The following PNKD variants were observed in gnomAD, a reference collection of about 807,000 sequenced individuals.
PNKD encodes PNKD metallo-beta-lactamase domain containing.
Under a neutral mutation model 45.3 loss-of-function variants are expected in PNKD, and 36 were observed. The observed-to-expected ratio is 0.80, with a 90% CI of 0.61 to 1.05. The LOEUF (loss-of-function observed/expected upper bound fraction) is 1.05, where lower values mean the gene tolerates loss of function less well. PNKD is among the 50% of genes least tolerant of loss of function. The pLI is 0.00. For synonymous variants in PNKD, 197 were observed against 210.1 expected, an observed-to-expected ratio of 0.94 and a Z score of 0.54; for missense variants, 511 against 506.6, an observed-to-expected ratio of 1.01 and a Z score of -0.08.
At position 218,326,101 on chromosome 2, in the gene PNKD, G is replaced by T. The variant is rs989264976; in HGVS notation, c.237-13682G>T. Among the ~76,000 whole-genome samples the T allele has an allele frequency of 3.3e-5, 5 of 152,004 alleles. No homozygotes were observed. The highest frequency in any genetic ancestry group is 3.3e-4 in the Admixed American group (5 of 15,252). The stretch of plus-strand genomic sequence containing the variant: ...GGAATGGGACAGGACATGATGGGGA[G>T]GGGGAGGGCACATGCACTACCAACC... On this transcript the variant is annotated intron_variant, in intron 2 of 9. Coordinates refer to ENST00000273077, the MANE Select transcript of PNKD (RefSeq NM_015488.5). This position sits in a 1 kb window ranked among gnomAD's most constrained non-coding sequence, Gnocchi z 4.1.
intron 2 of PNKD, chr2:218,282,083 G>A: frequency 3.8e-6 from 6 of 1,588,606 alleles, no homozygotes; most frequent in Non-Finnish European, 5.1e-6. Context: ...AGGGGGCGGA[G>A]GGCCTGGGTA....
chr2:218,282,195 G>T, intron 2 of PNKD: 1 of 1,374,386 alleles, frequency 7.3e-7, no homozygotes, highest in Non-Finnish European at 9.6e-7. Context: ...AAATGGGAGA[G>T]GAGAAAAGCA....
intron 2 of PNKD, among the ~76,000 whole-genome samples, chr2:218,288,699 A>C (rs1193167039): frequency 6.6e-6 from 1 of 152,194 alleles, no homozygotes; most frequent in Non-Finnish European, 1.5e-5. Context: ...AAAATCCAAA[A>C]TCCATGTGCT....
chr2:218,300,164 T>A (rs549037833), intron 2 of PNKD, among the ~76,000 whole-genome samples: 1 of 152,328 alleles, frequency 6.6e-6, no homozygotes, highest in Admixed American at 6.5e-5. Flanking sequence ...CTTATGGTTC[T>A]CAGCAGCAAA....
intron 2 of PNKD, among the ~76,000 whole-genome samples, chr2:218,306,004 T>C (rs796186719): frequency 6.6e-6 from 1 of 152,098 alleles, no homozygotes; most frequent in Admixed American, 6.6e-5. Context: ...CCTGGAAGGG[T>C]ATCACATCCC....
At chr2:218,344,425 T>C in intron 8 of PNKD, 30 bp from the exon 9 acceptor site, 1 of 1,463,628 alleles carries the variant, frequency 6.8e-7, no homozygotes. Flanking sequence ...CTCTCTCTGC[T>C]CTGTGTCTCA....
chr2:218,288,206 A>G (rs1692671584), intron 2 of PNKD, among the ~76,000 whole-genome samples: 1 of 152,096 alleles, frequency 6.6e-6, no homozygotes, highest in South Asian at 2.1e-4. Flanking sequence ...AGGCGGGCGG[A>G]TCACGAGGTC....
At chr2:218,310,249 A>C (rs1209792041) in intron 2 of PNKD, among the ~76,000 whole-genome samples, 1 of 151,982 alleles carries the variant, frequency 6.6e-6, no homozygotes, top group East Asian at 1.9e-4. Context: ...TTGAGACGGA[A>C]TCTCACTCTG....
At chr2:218,339,735 G>T in intron 2 of PNKD, 48 bp from the exon 3 acceptor site, 1 of 1,147,576 alleles carries the variant, frequency 8.7e-7, no homozygotes, top group African/African-American at 1.5e-5. Context: ...GGAGTCTAGG[G>T]GAGCTAGGGA....
intron 2 of PNKD, among the ~76,000 whole-genome samples, chr2:218,312,763 C>T (rs1014816235): frequency 1.3e-5 from 2 of 151,834 alleles, no homozygotes; most frequent in African/African-American, 2.4e-5. Flanking sequence ...GTCCCAGCTA[C>T]TTGGGAGGCT....
chr2:218,344,942 A>G lies in PNKD; in HGVS notation c.1119A>G (p.Glu373=). The change falls in exon 10 of 10, where the codon GAA becomes GAG. Residue 373 remains glutamate, a synonymous_variant. Transcript: ENST00000273077. ...ACTACTCCCGGGCCCAGCTCCTGGA[A>G]GAGCTCCGCCGGCTGAAGGATATGC... The part of the protein sequence containing the change: ...DDDYSRAQLL[E]ELRRLKDMHK... 1 of 1,614,002 alleles carries G rather than the reference A, an allele frequency of 6.2e-7. No individual in the cohort carries two copies. The highest frequency in any genetic ancestry group is 8.5e-7 in the Non-Finnish European group (1 of 1,179,976).
chr2:218,277,029 G>A, intron 2 of PNKD: 1 of 1,614,146 alleles, frequency 6.2e-7, no homozygotes, highest in Non-Finnish European at 8.5e-7. Context: ...CACAATGCTA[G>A]TGACAATCCC....
In PNKD at chr2:218,343,597, C is replaced by T; in HGVS notation, c.868+11C>T. 1.3e-6 allele frequency: 2 copies of T among 1,597,458 alleles called. No homozygotes were observed. Among genetic ancestry groups the T allele is most frequent in the Non-Finnish European group, 1.7e-6 (2 of 1,168,064 alleles). On this transcript the variant is annotated intron_variant, in intron 8 of 9. Transcript: ENST00000273077. ...CCCTTCTGTGGCCTGGTGAGACACC[C>T]CCTTACTACTCCCCATCCTCCAGCC...
chr2:218,277,483 G>A, intron 2 of PNKD: 3 of 1,612,272 alleles, frequency 1.9e-6, no homozygotes, highest in Non-Finnish European at 2.5e-6. Flanking sequence ...ACAGACAAGA[G>A]GCATTAAGCC....
chr2:218,274,073 G>A (rs953984891), intron 2 of PNKD: 5 of 154,746 alleles, frequency 3.2e-5, no homozygotes, highest in Middle Eastern at 5.2e-4. Context: ...ATCCGTCCCC[G>A]GAAACTGCTG....
At chr2:218,277,557 C>T in intron 2 of PNKD, 1 of 1,609,550 alleles carries the variant, frequency 6.2e-7, no homozygotes, top group Non-Finnish European at 8.5e-7. Flanking sequence ...ACCCACGCAG[C>T]TGGCTGCCGG....
At chr2:218,285,363 C>T (rs1205990613) in intron 2 of PNKD, among the ~76,000 whole-genome samples, 1 of 152,182 alleles carries the variant, frequency 6.6e-6, no homozygotes, top group East Asian at 1.9e-4. Context: ...TGAAAACACC[C>T]TGTCTATCCA....
chr2:218,340,971 G>A lies in PNKD; in HGVS notation c.524+185G>A. 1.6e-6 allele frequency: 1 copy of A among 644,380 alleles called. No homozygotes were observed. Among genetic ancestry groups the A allele is most frequent in the Non-Finnish European group, 2.8e-6 (1 of 358,200 alleles). 39.9% of individuals were successfully genotyped at this position (644,380 alleles called of 1,614,324 possible). On this transcript the variant is annotated intron_variant, in intron 5 of 9. Transcript: ENST00000273077. The surrounding 1 kb of genome is among the most constrained non-coding windows in gnomAD (Gnocchi z 4.2). ...GGGGACAGTCTCCCACCACTCCATT[G>A]ATCAAGCTTCTGAAGCCCCAGAGGG...
intron 2 of PNKD, among the ~76,000 whole-genome samples, chr2:218,334,441 G>A (rs1465446791): frequency 6.6e-6 from 1 of 152,004 alleles, no homozygotes; most frequent in African/African-American, 2.4e-5. Context: ...TTGAAGAGTA[G>A]AGCCTGGGCA....
Sources: gnomAD v4.1 joint callset for allele counts (sites outside exome capture counted in the v4.1 genomes callset) on GRCh38, gnomAD v4.1.1 for gene constraint, Gnocchi (gnomAD v3.1) non-coding constraint, MANE v1.5 for transcripts, NCBI Gene and HGNC (gene_info 2026-07-23, HGNC 2026-07-21) for gene names.